Variants in HK1 observed in about 807,000 individuals in gnomAD.
HK1 encodes hexokinase 1, also known as hexokinase-1.
HK1 carries 28 observed loss-of-function variants against 91.6 expected under a neutral mutation model. That is an observed-to-expected ratio of 0.31 (90% CI 0.23 to 0.42). The LOEUF (loss-of-function observed/expected upper bound fraction) is 0.42, where lower values mean the gene tolerates loss of function less well. Among genes scored for constraint, HK1 ranks in the 10% least tolerant of loss-of-function variants. HK1 has a pLI of 1.00. For synonymous variants in HK1, 430 were observed against 468.1 expected, an observed-to-expected ratio of 0.92 and a Z score of 1.05; for missense variants, 770 against 1,219.8, an observed-to-expected ratio of 0.63 and a Z score of 5.49.
chr10:69,312,490 C>T (rs531231423), upstream of HK1, among the ~76,000 whole-genome samples: 5 of 151,926 alleles, frequency 3.3e-5, no homozygotes, highest in Admixed American at 6.5e-5. Flanking sequence ...CCACCCGCCT[C>T]GGCCTCCCAA....
At chr10:69,368,896 G>A (rs1183404883) in intron 5 of HK1, among the ~76,000 whole-genome samples, 1 of 152,194 alleles carries the variant, frequency 6.6e-6, no homozygotes, top group Non-Finnish European at 1.5e-5. Context: ...GGGAGTGGGT[G>A]TCACGGATGC....
In HK1 at chr10:69,394,956, G is replaced by A. The variant is rs141211718; in HGVS notation, c.2226G>A (p.Glu742=). 2.0e-4 allele frequency: 330 copies of A among 1,614,166 alleles called. 1 individual carries two copies. In the African/African-American group the frequency reaches 2.7e-3, roughly 13 times the overall value. Residue 742 remains glutamate, a synonymous_variant, in exon 16 of 18, where the codon GAG becomes GAA. Transcript: ENST00000359426. ...GCCCCTCCTCCTGTCTCAGGTATGA[G>A]AAGATGATCAGTGGTATGTACCTGG... is the stretch of plus-strand genomic sequence containing the variant. The part of the protein sequence containing the change: ...YSLNAGKQRY[E]KMISGMYLGE...
At chr10:69,322,418 A>T (rs1349728954) in intron 1 of HK1, among the ~76,000 whole-genome samples, 1 of 152,188 alleles carries the variant, frequency 6.6e-6, no homozygotes, top group Non-Finnish European at 1.5e-5. Context: ...GCATCTGCAT[A>T]AATTGGTTAA....
rs543931873 is a variant in HK1 at position 69,372,955 on chromosome 10, G to A, written c.875+3331G>A. Among the ~76,000 whole-genome samples the A allele has an allele frequency of 9.2e-5, 14 of 152,050 alleles. No individual in the cohort carries two copies. The South Asian group carries it at 2.3e-3, about 25-fold the overall frequency. On this transcript the variant is annotated intron_variant, in intron 7 of 17. Transcript: ENST00000359426. The stretch of plus-strand genomic sequence containing the variant: ...GCAATCTCAGCTTACTGCAACCTTT[G>A]CCTCCCAGGTTCTACGTGATTCTCC...
At chr10:69,305,500 C>G (rs1034889526) in intron 5 of HK1, among the ~76,000 whole-genome samples, 1 of 151,802 alleles carries the variant, frequency 6.6e-6, no homozygotes, top group East Asian at 1.9e-4. Context: ...CTGTCTCTCC[C>G]GATCAGAATG....
At chr10:69,280,963 A>G (rs1589432599) in intron 1 of HK1, among the ~76,000 whole-genome samples, 1 of 151,930 alleles carries the variant, frequency 6.6e-6, no homozygotes, top group East Asian at 1.9e-4. Flanking sequence ...TTTGTCTCCT[A>G]CTCTCCACTT....
At chr10:69,288,574 T>C (rs1229273881) in intron 2 of HK1, 2 of 735,124 alleles carry the variant, frequency 2.7e-6, no homozygotes, top group East Asian at 2.5e-5. Context: ...ATGTCTTGGT[T>C]CTCAGTATTA....
At chr10:69,312,947 C>T (rs1350942314), upstream of HK1, among the ~76,000 whole-genome samples, 1 of 152,090 alleles carries the variant, frequency 6.6e-6, no homozygotes, top group African/African-American at 2.4e-5. Flanking sequence ...CCTTCACCTC[C>T]TTGGGAGGTG....
At position 69,322,631 on chromosome 10, in the gene HK1, C is replaced by G. The variant is rs545300149; in HGVS notation, c.63+3621C>G. On this transcript the variant is annotated intron_variant, in intron 1 of 17. Transcript: ENST00000359426. ...AAAAGGCCGATGTAGTGGCTCACAC[C>G]TGTAATCTCAGCACTTTGGGAGGCT... Among the ~76,000 whole-genome samples, 200 of 152,366 alleles carry G rather than the reference C, an allele frequency of 1.3e-3. 1 individual carries two copies. The highest frequency in any genetic ancestry group is 3.9e-3 in the South Asian group (19 of 4,828).
At position 69,318,868 on chromosome 10, in the gene HK1, C is replaced by G. The variant is rs907303881; in HGVS notation, c.-80C>G. ...GGAGGAGGAGGAGCCGCCGAGCAGCCGCCGGAGGACCACGGCTCGCCAGGG... is the reference window on the plus strand; with the variant it reads ...GGAGGAGGAGGAGCCGCCGAGCAGCGGCCGGAGGACCACGGCTCGCCAGGG... On this transcript the variant is annotated 5_prime_UTR_variant, in exon 1 of 18. Coordinates refer to ENST00000359426, the MANE Select transcript of HK1 (RefSeq NM_000188.3). The G allele has an allele frequency of 2.6e-6, 4 of 1,510,572 alleles. No individual in the cohort carries two copies. Among genetic ancestry groups the G allele is most frequent in the Non-Finnish European group, 3.5e-6 (4 of 1,130,724 alleles). The allele number at this position is 1,510,572 out of a possible 1,614,324, so 93.6% of individuals were successfully genotyped here. A position where few individuals can be genotyped will look rare whatever the true frequency, so the allele number is the denominator to read the frequency against.
chr10:69,345,487 A>G (rs374181437), intron 2 of HK1, among the ~76,000 whole-genome samples: 8 of 152,116 alleles, frequency 5.3e-5, no homozygotes, highest in African/African-American at 1.9e-4. Flanking sequence ...TTCCAGGATG[A>G]GGAGAGCTAT....
At position 69,401,190 on chromosome 10, in the gene HK1, A is replaced by G. The variant is rs1589598304; in HGVS notation, c.*55A>G. ...CCAGCACTTCTCTCTTCAAGCGGCG[A>G]CCCCCTACCCTCCCAGCGAGTTGCG... On this transcript the variant is annotated 3_prime_UTR_variant, in exon 18 of 18. Transcript: ENST00000359426. 1 of 1,569,286 alleles carries G rather than the reference A, an allele frequency of 6.4e-7. No individual in the cohort carries two copies. The highest frequency in any genetic ancestry group is 2.3e-5 in the East Asian group (1 of 42,624).
chr10:69,395,489 A>G (rs189893941), intron 16 of HK1, among the ~76,000 whole-genome samples: 100 of 152,124 alleles, frequency 6.6e-4, no homozygotes, highest in Admixed American at 3.0e-3. Flanking sequence ...GAGGCAGGAG[A>G]CTCACTTGAA....
intron 3 of HK1, among the ~76,000 whole-genome samples, chr10:69,361,482 C>T (rs72807725): frequency 0.082 from 12,530 of 152,316 alleles, 666 homozygotes; most frequent in African/African-American, 0.15. Flanking sequence ...CACTCTGTTT[C>T]CCAAGGTCCT....
chr10:69,375,389 T>C (rs993821617), intron 7 of HK1, among the ~76,000 whole-genome samples: 27 of 152,296 alleles, frequency 1.8e-4, no homozygotes, highest in African/African-American at 6.3e-4. Flanking sequence ...CCACCAGTGC[T>C]GAGATTCCTG....
Position 69,380,797 on chromosome 10 carries a change from C to T in HK1, c.1265+702C>T, listed in dbSNP as rs564505645. 2.6e-4 allele frequency among the ~76,000 whole-genome samples: 39 copies of T among 152,250 alleles called. No homozygotes were observed. In the South Asian group the frequency reaches 6.4e-3, roughly 25 times the overall value. The stretch of plus-strand genomic sequence containing the variant: ...TAGAAGCCATGTTGTCCTGTGAGAA[C>T]GTGGCTTATACTTTTTTTAAAAGGC... On this transcript the variant is annotated intron_variant, in intron 9 of 17. Coordinates refer to ENST00000359426, the MANE Select transcript of HK1 (RefSeq NM_000188.3). This position sits in a 1 kb window ranked among gnomAD's most constrained non-coding sequence, Gnocchi z 4.0.
In HK1 at chr10:69,318,875, G is replaced by A. The variant is rs1444976774; in HGVS notation, c.-73G>A. 2 of 1,518,800 alleles carry A rather than the reference G, an allele frequency of 1.3e-6. No individual in the cohort carries two copies. Among genetic ancestry groups the A allele is most frequent in the Non-Finnish European group, 8.8e-7 (1 of 1,134,968 alleles). The allele number at this position is 1,518,800 out of a possible 1,614,324, so 94.1% of individuals were successfully genotyped here. On this transcript the variant is annotated 5_prime_UTR_variant, in exon 1 of 18. Coordinates refer to ENST00000359426, the MANE Select transcript of HK1 (RefSeq NM_000188.3). ...GAGGAGCCGCCGAGCAGCCGCCGGA[G>A]GACCACGGCTCGCCAGGGCTGCGGA... is the stretch of plus-strand genomic sequence containing the variant.
At chr10:69,358,188 CA>C (rs1234055699) in intron 2 of HK1, among the ~76,000 whole-genome samples, 11 of 152,154 alleles carry the variant, frequency 7.2e-5, no homozygotes, top group South Asian at 2.1e-4. Flanking sequence ...GTGGGGATGT[CA>C]CCTTAGCATC....
At chr10:69,291,906 T>G (rs1316330423) in intron 3 of HK1, among the ~76,000 whole-genome samples, 2 of 152,146 alleles carry the variant, frequency 1.3e-5, no homozygotes, top group South Asian at 2.1e-4. Flanking sequence ...AAGCCTTCAT[T>G]AGAGCCATTT....
Sources: gnomAD v4.1 joint callset for allele counts (sites outside exome capture counted in the v4.1 genomes callset) on GRCh38, gnomAD v4.1.1 for gene constraint, Gnocchi (gnomAD v3.1) non-coding constraint, MANE v1.5 for transcripts, NCBI Gene and HGNC (gene_info 2026-07-23, HGNC 2026-07-21) for gene names.